Variants in DEFB135 observed in about 807,000 individuals in gnomAD.
DEFB135 encodes the protein beta-defensin 135.
A neutral mutation model predicts 8.9 loss-of-function variants in DEFB135; 14 were observed. The observed-to-expected ratio is 1.58, with a 90% CI of 1.04 to 2.47. The LOEUF is 2.47. Ranked by LOEUF, DEFB135 falls within the 30% of genes most tolerant of loss-of-function variation. DEFB135 has a pLI of 0.00. For synonymous variants in DEFB135, 51 were observed against 34.5 expected, an observed-to-expected ratio of 1.48 and a Z score of -1.67; for missense variants, 135 against 94.2, an observed-to-expected ratio of 1.43 and a Z score of -1.79.
Position 11,984,502 on chromosome 8 carries a change from TA to T in DEFB135, c.152del (p.Asn51ThrfsTer16). 6.3e-7 allele frequency: 1 copy of T among 1,589,474 alleles called. No homozygotes were observed. Among genetic ancestry groups the T allele is most frequent in the Non-Finnish European group, 8.6e-7 (1 of 1,160,856 alleles). On this transcript the variant is annotated frameshift_variant, in exon 2 of 2. Transcript: ENST00000382208. LOFTEE classifies it high-confidence loss of function. ...CAAGGTACTTGCCGGCCAAAATGTC[TA>T]AAAAACGAACAATATCGTATTTTGT... ...RLQGTCRPKC[L>X]KNEQYRILCD...
chr8:11,983,536 C>T (rs538075124), intron 1 of DEFB135, among the ~76,000 whole-genome samples: 1 of 152,296 alleles, frequency 6.6e-6, no homozygotes, highest in East Asian at 1.9e-4. Context: ...AGAAAAGTGC[C>T]TGAGGTCTAG....
Position 11,984,580 on chromosome 8 carries a change from C to T in DEFB135, c.224C>T (p.Thr75Ile), listed in dbSNP as rs1471137374. The T allele has an allele frequency of 6.7e-7, 1 of 1,499,388 alleles. No individual in the cohort carries two copies. Among genetic ancestry groups the T allele is most frequent in the Non-Finnish European group, 9.0e-7 (1 of 1,108,890 alleles). 92.9% of individuals were successfully genotyped at this position (1,499,388 alleles called of 1,614,324 possible). ...CVNPKYLPIL[T>I]GK ...AACCCAAAATATTTACCTATACTGA[C>T]TGGGAAATAGTTGTGAGTACCTGAA... Residue 75 changes from threonine (T) to isoleucine (I), a missense_variant, in exon 2 of 2, where the codon ACT (threonine) becomes ATT (isoleucine). Physicochemically the swap from Thr to Ile is moderately conservative, Grantham distance 89. Coordinates refer to ENST00000382208, the MANE Select transcript of DEFB135 (RefSeq NM_001033017.3).
chr8:11,983,056 T>C (rs1206380879), intron 1 of DEFB135, among the ~76,000 whole-genome samples: 1 of 152,150 alleles, frequency 6.6e-6, no homozygotes, highest in Non-Finnish European at 1.5e-5. Context: ...CAAACCTTCA[T>C]ATATAAAGCG....
Position 11,984,547 on chromosome 8 carries a change from G to A in DEFB135, c.191G>A (p.Cys64Tyr), listed in dbSNP as rs758311878. The A allele has an allele frequency of 1.9e-6, 3 of 1,557,478 alleles. No individual in the cohort carries two copies. Among genetic ancestry groups the A allele is most frequent in the South Asian group, 2.4e-5 (2 of 84,592 alleles). ...ATTTTGTGTGATACTATACATTTGT[G>A]CTGTGTAAACCCAAAATATTTACCT... ...YRILCDTIHLCCVNPKYLPIL... is the reference protein window; with the variant it reads ...YRILCDTIHLYCVNPKYLPIL... The change falls in exon 2 of 2, where the codon TGC becomes TAC. Residue 64 changes from cysteine to tyrosine, a missense_variant. Coordinates refer to ENST00000382208, the MANE Select transcript of DEFB135 (RefSeq NM_001033017.3).
intron 1 of DEFB135, among the ~76,000 whole-genome samples, chr8:11,983,891 G>A (rs781114205): frequency 6.6e-6 from 1 of 152,046 alleles, no homozygotes. Context: ...ATGGGAGAAT[G>A]GGTACTTCTT....
At chr8:11,983,309 G>C (rs1266311842) in intron 1 of DEFB135, among the ~76,000 whole-genome samples, 3 of 152,198 alleles carry the variant, frequency 2.0e-5, no homozygotes, top group African/African-American at 4.8e-5. Context: ...AGGATCACTT[G>C]AACCCAGGAG....
intron 1 of DEFB135, among the ~76,000 whole-genome samples, chr8:11,982,952 G>C (rs957061855): frequency 2.6e-5 from 4 of 152,210 alleles, no homozygotes; most frequent in Non-Finnish European, 5.9e-5. Flanking sequence ...TGGTGATAAT[G>C]AGAAGAGTCT....
rs1340841164 is a variant in DEFB135, at chr8:11,984,413, C to G, written c.65-8C>G. ...TAACTGTGCATTAACCTTTGTTTCTCTTGGCAGGTAGAAGTGGACCCAATG... is the reference window on the plus strand; with the variant it reads ...TAACTGTGCATTAACCTTTGTTTCTGTTGGCAGGTAGAAGTGGACCCAATG... On this transcript the variant is annotated splice_polypyrimidine_tract_variant and splice_region_variant and intron_variant, in intron 1 of 1. Transcript: ENST00000382208. 1.3e-6 allele frequency: 2 copies of G among 1,521,320 alleles called. No homozygotes were observed. The highest frequency in any genetic ancestry group is 1.8e-5 in the Admixed American group (1 of 54,392). The allele number at this position is 1,521,320 out of a possible 1,614,324, so 94.2% of individuals were successfully genotyped here. A position where few individuals can be genotyped will look rare whatever the true frequency, so the allele number is the denominator to read the frequency against.
chr8:11,984,493 C>T lies in DEFB135; in HGVS notation c.137C>T (p.Pro46Leu). 2 of 1,582,828 alleles carry T rather than the reference C, an allele frequency of 1.3e-6. No individual in the cohort carries two copies. Among genetic ancestry groups the T allele is most frequent in the Non-Finnish European group, 1.7e-6 (2 of 1,156,824 alleles). ...SCWRLQGTCR[P>L]KCLKNEQYRI... ...TGGCGACTGCAAGGTACTTGCCGGC[C>T]AAAATGTCTAAAAAACGAACAATAT... The change falls in exon 2 of 2, where the codon CCA becomes CTA. Residue 46 changes from proline to leucine, a missense_variant. By Grantham distance (98) the Pro-to-Leu change is moderately conservative. Coordinates refer to ENST00000382208, the MANE Select transcript of DEFB135 (RefSeq NM_001033017.3).
At chr8:11,983,302 A>G (rs1799777915) in intron 1 of DEFB135, among the ~76,000 whole-genome samples, 1 of 152,210 alleles carries the variant, frequency 6.6e-6, no homozygotes, top group African/African-American at 2.4e-5. Context: ...AGAAAAGAGG[A>G]TCACTTGAAC....
At chr8:11,982,648 C>T (rs1221959689) in intron 1 of DEFB135, among the ~76,000 whole-genome samples, 1 of 152,148 alleles carries the variant, frequency 6.6e-6, no homozygotes, top group East Asian at 1.9e-4. Context: ...GAAGGCTGGA[C>T]TGTTGGTACT....
rs6991081 is a variant in DEFB135 at position 11,982,290 on chromosome 8, A to T, written c.-31A>T. On this transcript the variant is annotated 5_prime_UTR_variant, in exon 1 of 2. It removes an upstream start codon present in the reference 5' UTR. Transcript: ENST00000382208. Reference sequence around the variant, plus strand: ...AAGCTGCGGAGAGAGTGACTCTCCGATGAGTCACAGCTGCTTCTTTGCTGA... The same window carrying T: ...AAGCTGCGGAGAGAGTGACTCTCCGTTGAGTCACAGCTGCTTCTTTGCTGA... 0.073 allele frequency: 118,015 copies of T among 1,612,944 alleles called. 9,598 individuals carry two copies. The highest frequency in any genetic ancestry group is 0.43 in the African/African-American group (32,100 of 74,952).
rs374547579 is a variant in DEFB135 at position 11,984,484 on chromosome 8, C to G, written c.128C>G (p.Thr43Ser). Reference sequence around the variant, plus strand: ...GCTTCATGTTGGCGACTGCAAGGTACTTGCCGGCCAAAATGTCTAAAAAAC... The same window carrying G: ...GCTTCATGTTGGCGACTGCAAGGTAGTTGCCGGCCAAAATGTCTAAAAAAC... ...IFASCWRLQG[T>S]CRPKCLKNEQ... Residue 43 changes from threonine to serine, a missense_variant, in exon 2 of 2, where the codon ACT becomes AGT. Transcript: ENST00000382208. 13 of 1,584,762 alleles carry G rather than the reference C, an allele frequency of 8.2e-6. No individual in the cohort carries two copies. The African/African-American group carries it at 1.5e-4, about 18-fold the overall frequency.
Position 11,982,373 on chromosome 8 carries a change from A to G in DEFB135, c.53A>G (p.Tyr18Cys), listed in dbSNP as rs758798688. The G allele has an allele frequency of 2.5e-6, 4 of 1,614,106 alleles. No individual in the cohort carries two copies. In the South Asian group the frequency reaches 4.4e-5, roughly 18 times the overall value. ...LALVVLNLLFYVPPGRSGPNV... is the reference protein window; with the variant it reads ...LALVVLNLLFCVPPGRSGPNV... ...CTCGTGGTCCTTAACTTACTCTTCT[A>G]TGTTCCACCAGGTAAAATGGAGTCC... is the stretch of plus-strand genomic sequence containing the variant. Residue 18 changes from tyrosine to cysteine, a missense_variant, in exon 1 of 2, where the codon TAT becomes TGT. By Grantham distance (194) the Tyr-to-Cys change is radical. Coordinates refer to ENST00000382208, the MANE Select transcript of DEFB135 (RefSeq NM_001033017.3).
intron 1 of DEFB135, 128 bp from the exon 2 acceptor site, chr8:11,984,293 T>G: frequency 7.2e-6 from 5 of 696,386 alleles, no homozygotes; most frequent in Non-Finnish European, 8.4e-6. Context: ...TAAAATGTCT[T>G]GAGTATCTTT....
At chr8:11,984,380 C>G in intron 1 of DEFB135, 41 bp from the exon 2 acceptor site, 1 of 1,397,674 alleles carries the variant, frequency 7.2e-7, no homozygotes, top group South Asian at 1.8e-5. Context: ...CATGACACTT[C>G]AGGACACTAA....
chr8:11,983,284 G>T (rs1799777621), intron 1 of DEFB135, among the ~76,000 whole-genome samples: 1 of 152,092 alleles, frequency 6.6e-6, no homozygotes, highest in Admixed American at 6.5e-5. Flanking sequence ...CAGCTACTCG[G>T]GAAGCTGAGA....
chr8:11,983,600 G>C (rs995058582), intron 1 of DEFB135, among the ~76,000 whole-genome samples: 4 of 152,016 alleles, frequency 2.6e-5, no homozygotes, highest in Non-Finnish European at 5.9e-5. Flanking sequence ...ATACCACATT[G>C]ATTATTTTCA....
At position 11,983,611 on chromosome 8, in the gene DEFB135, C is replaced by T. The variant is rs572486207; in HGVS notation, c.65-810C>T. ...GACCATACCACATTGATTATTTTCA[C>T]ACCACAAAGGTTCAATCCATGGACT... On this transcript the variant is annotated intron_variant, in intron 1 of 1. Coordinates refer to ENST00000382208, the MANE Select transcript of DEFB135 (RefSeq NM_001033017.3). Among the ~76,000 whole-genome samples the T allele has an allele frequency of 3.1e-4, 47 of 152,184 alleles. 1 individual carries two copies. The South Asian group carries it at 6.9e-3, about 22-fold the overall frequency.
Sources: allele counts gnomAD v4.1 joint callset (sites outside exome capture counted in the v4.1 genomes callset), GRCh38; gene constraint gnomAD v4.1.1; transcripts MANE v1.5; gene names NCBI Gene and HGNC (gene_info 2026-07-23, HGNC 2026-07-21).